NME7: variants seen among roughly 807,000 people sequenced by gnomAD.
NME7 encodes NME/NM23 family member 7.
NME7 carries 41 observed loss-of-function variants against 49.1 expected under a neutral mutation model. That is an observed-to-expected ratio of 0.83 (90% CI 0.65 to 1.08). The LOEUF is 1.08. Among genes scored for constraint, NME7 ranks in the 50% least tolerant of loss-of-function variants. NME7 has a pLI of 0.00. For missense variants in NME7, 423 were observed against 463.4 expected (o/e 0.91, Z 0.80); for synonymous variants, 139 against 150.6 (o/e 0.92, Z 0.56).
intron 11 of NME7, among the ~76,000 whole-genome samples, chr1:169,134,898 A>G (rs896905176): frequency 6.6e-6 from 1 of 151,214 alleles, no homozygotes; most frequent in Non-Finnish European, 1.5e-5. Context: ...ATTTTAGGCC[A>G]GGCACAGTGG....
intron 1 of NME7, among the ~76,000 whole-genome samples, chr1:169,341,988 T>C (rs1000513073): frequency 6.6e-6 from 1 of 152,166 alleles, no homozygotes; most frequent in Non-Finnish European, 1.5e-5. Flanking sequence ...ACTTGGACTC[T>C]TGAGCTAATG....
rs571896092 is a variant in NME7 at position 169,216,736 on chromosome 1, A to T, written c.990+13982T>A. 3.3e-5 allele frequency among the ~76,000 whole-genome samples: 5 copies of T among 152,326 alleles called. No individual in the cohort carries two copies. In the South Asian group the frequency reaches 1.0e-3, roughly 32 times the overall value. On this transcript the variant is annotated intron_variant, in intron 10 of 11. Coordinates refer to ENST00000367811, the MANE Select transcript of NME7 (RefSeq NM_013330.5). ...CCCTCAACCTATGGGATCTCTAGGTAGATAATGTAAGAATTGAATTGAATT... is the reference window on the plus strand; with the variant it reads ...CCCTCAACCTATGGGATCTCTAGGTTGATAATGTAAGAATTGAATTGAATT...
At chr1:169,187,989 T>C (rs1470269798) in intron 10 of NME7, among the ~76,000 whole-genome samples, 2 of 152,206 alleles carry the variant, frequency 1.3e-5, no homozygotes, top group Non-Finnish European at 2.9e-5. Context: ...AGGATTTTAT[T>C]TCTCCTTCGC....
At chr1:169,149,747 C>T (rs982619323) in intron 11 of NME7, among the ~76,000 whole-genome samples, 3 of 152,180 alleles carry the variant, frequency 2.0e-5, no homozygotes, top group African/African-American at 4.8e-5. Flanking sequence ...CATGAGATTG[C>T]ATCATGCTAC....
chr1:169,202,385 A>G (rs116046845), intron 10 of NME7, among the ~76,000 whole-genome samples: 2,328 of 152,236 alleles, frequency 0.015, 54 homozygotes, highest in African/African-American at 0.051. Flanking sequence ...TGCTTTTGCC[A>G]TGTGACATGC....
intron 11 of NME7, among the ~76,000 whole-genome samples, chr1:169,158,979 A>G (rs1659162994): frequency 6.6e-6 from 1 of 152,114 alleles, no homozygotes; most frequent in African/African-American, 2.4e-5. Context: ...TCCTTCTAAC[A>G]GTATCTTGAT....
intron 4 of NME7, among the ~76,000 whole-genome samples, chr1:169,308,266 C>T (rs553470261): frequency 1.3e-5 from 2 of 152,216 alleles, no homozygotes; most frequent in East Asian, 3.9e-4. Context: ...TTCTCGGAAT[C>T]AGATGTATTG....
intron 7 of NME7, among the ~76,000 whole-genome samples, chr1:169,253,678 A>G (rs960791729): frequency 7.9e-5 from 12 of 152,362 alleles, no homozygotes; most frequent in African/African-American, 2.9e-4. Context: ...TTGCCCATTC[A>G]GTATGATACT....
intron 9 of NME7, among the ~76,000 whole-genome samples, chr1:169,233,794 C>T (rs36079696): frequency 0.38 from 57,315 of 151,960 alleles, 11,518 homozygotes; most frequent in East Asian, 0.79. Context: ...TGCCTACACA[C>T]AAATGTCAAA....
chr1:169,216,128 G>A (rs1340670785), intron 10 of NME7, among the ~76,000 whole-genome samples: 1 of 152,132 alleles, frequency 6.6e-6, no homozygotes, highest in Non-Finnish European at 1.5e-5. Flanking sequence ...CTTAGTCCTG[G>A]GATACAACTC....
intron 11 of NME7, among the ~76,000 whole-genome samples, chr1:169,160,069 T>A (rs1164146718): frequency 6.6e-6 from 1 of 152,160 alleles, no homozygotes; most frequent in Admixed American, 6.5e-5. Context: ...CTGAATCATA[T>A]CATCCATTAC....
chr1:169,334,882 A>T (rs193065915), intron 1 of NME7, among the ~76,000 whole-genome samples: 26 of 152,222 alleles, frequency 1.7e-4, no homozygotes, highest in African/African-American at 5.8e-4. Context: ...AAAAACAAAC[A>T]ACCCCATCCA....
chr1:169,197,772 T>C (rs575502804), intron 10 of NME7, among the ~76,000 whole-genome samples: 1 of 152,162 alleles, frequency 6.6e-6, no homozygotes, highest in East Asian at 1.9e-4. Context: ...GAAGACAACA[T>C]AGGAGTAAAA....
chr1:169,175,124 A>C (rs1204889762), intron 10 of NME7, among the ~76,000 whole-genome samples: 3 of 152,006 alleles, frequency 2.0e-5, no homozygotes, highest in Non-Finnish European at 4.4e-5. Context: ...CTATTTTTTA[A>C]GTTTTTTTTC....
chr1:169,167,465 C>G lies in NME7; in HGVS notation c.1098+1982G>C, dbSNP rs1411059884. ...ATTTAATCACTTAAATTTATTATTT[C>G]TTTTTAAATTTCATTTAGCTTATTT... On this transcript the variant is annotated intron_variant, in intron 11 of 11. Transcript: ENST00000367811. Among the ~76,000 whole-genome samples the G allele has an allele frequency of 2.6e-5, 4 of 151,796 alleles. No individual in the cohort carries two copies. In the East Asian group the frequency reaches 7.7e-4, roughly 29 times the overall value.
At chr1:169,303,425 C>T in intron 4 of NME7, 3 of 172,458 alleles carry the variant, frequency 1.7e-5, no homozygotes, top group South Asian at 3.5e-4. Flanking sequence ...GTTTACTTTT[C>T]TACTTATGTT....
chr1:169,288,017 T>C lies in NME7; in HGVS notation c.649-609A>G, dbSNP rs904852548. On this transcript the variant is annotated intron_variant, in intron 6 of 11. Coordinates refer to ENST00000367811, the MANE Select transcript of NME7 (RefSeq NM_013330.5). ...TGTTCACACTAATCAGTTCTTTTAA[T>C]TATTTAGATGCTTTCCTGTCTCTAA... Among the ~76,000 whole-genome samples the C allele has an allele frequency of 4.6e-5, 7 of 152,198 alleles. No individual in the cohort carries two copies. In the East Asian group the frequency reaches 1.3e-3, roughly 29 times the overall value.
intron 11 of NME7, among the ~76,000 whole-genome samples, chr1:169,153,879 T>TGA (rs1658985317): frequency 6.7e-6 from 1 of 149,104 alleles, no homozygotes. Context: ...TTTTTTTTTT[T>TGA]TTATTTTTTG....
intron 10 of NME7, among the ~76,000 whole-genome samples, chr1:169,227,958 G>C (rs1341178455): frequency 6.6e-6 from 1 of 151,246 alleles, no homozygotes; most frequent in Non-Finnish European, 1.5e-5. Context: ...AGATCTTTGA[G>C]GCTTATATTA....
Sources: allele counts gnomAD v4.1 joint callset (sites outside exome capture counted in the v4.1 genomes callset), GRCh38; gene constraint gnomAD v4.1.1; transcripts MANE v1.5; gene names NCBI Gene and HGNC (gene_info 2026-07-23, HGNC 2026-07-21).